The following PPP4C variants were observed in gnomAD, a reference collection of about 807,000 sequenced individuals.
The protein encoded by PPP4C is protein phosphatase 4 catalytic subunit, also known as serine/threonine-protein phosphatase 4 catalytic subunit.
A neutral mutation model predicts 40.5 loss-of-function variants in PPP4C; 10 were observed. The observed-to-expected ratio is 0.25, with a 90% confidence interval of 0.15 to 0.42. PPP4C has a LOEUF of 0.42. Ranked by LOEUF, PPP4C falls within the 10% of genes least tolerant of loss-of-function variation. The pLI, the probability that PPP4C is intolerant of heterozygous loss-of-function variation, is 1.00. For synonymous variants in PPP4C, 187 were observed against 163.6 expected (o/e 1.14, Z -1.09); for missense variants, 191 against 416.4 (o/e 0.46, Z 4.71).
Position 30,083,856 on chromosome 16 carries a change from C to T in PPP4C, c.604+75C>T, listed in dbSNP as rs2072558404. 6.3e-7 allele frequency: 1 copy of T among 1,578,920 alleles called. No homozygotes were observed. Among genetic ancestry groups the T allele is most frequent in the Non-Finnish European group, 8.6e-7 (1 of 1,160,684 alleles). On this transcript the variant is annotated intron_variant, in intron 7 of 8. Coordinates refer to ENST00000279387, the MANE Select transcript of PPP4C (RefSeq NM_002720.3). This position sits in a 1 kb window ranked among gnomAD's most constrained non-coding sequence, Gnocchi z 6.3. ...AAAGAGAGGGAGCAGGGCTGGTCTTCACTGTCACTCGTCCTCCACCTGCCA... is the reference window on the plus strand; with the variant it reads ...AAAGAGAGGGAGCAGGGCTGGTCTTTACTGTCACTCGTCCTCCACCTGCCA...
At chr16:30,082,357 AT>A in intron 3 of PPP4C, 126 bp from the exon 4 acceptor site, 1 of 962,336 alleles carries the variant, frequency 1.0e-6, no homozygotes, top group Non-Finnish European at 1.7e-6. Flanking sequence ...GGAGAGGAGA[AT>A]TTTGGTCCTA....
chr16:30,080,592 C>T (rs1043109273), intron 2 of PPP4C, among the ~76,000 whole-genome samples: 4 of 151,156 alleles, frequency 2.6e-5, no homozygotes, highest in African/African-American at 9.7e-5. Context: ...CTGCAGCCCC[C>T]ACCTCCCAGG....
chr16:30,084,420 G>A (rs1296828913), intron 7 of PPP4C, among the ~76,000 whole-genome samples: 1 of 152,334 alleles, frequency 6.6e-6, no homozygotes, highest in Middle Eastern at 3.4e-3. Flanking sequence ...GACGGGGATT[G>A]TATGATCACT....
chr16:30,077,275 A>T (rs552629536), intron 2 of PPP4C, among the ~76,000 whole-genome samples: 2 of 152,280 alleles, frequency 1.3e-5, no homozygotes, highest in East Asian at 3.9e-4. Context: ...ACTTAATAAG[A>T]TGATTGTGAA....
rs1417778890 is a variant in PPP4C at position 30,085,083 on chromosome 16, C to T, written c.*21C>T. 2.5e-6 allele frequency: 4 copies of T among 1,611,558 alleles called. No individual in the cohort carries two copies. In the East Asian group the frequency reaches 6.7e-5, roughly 27 times the overall value. On this transcript the variant is annotated 3_prime_UTR_variant, in exon 9 of 9. Coordinates refer to ENST00000279387, the MANE Select transcript of PPP4C (RefSeq NM_002720.3). Reference sequence around the variant, plus strand: ...TGTGACCCCGCCCGGCCCCTGCCCCCTCCAACCCTTCTGGCCCTCGCACCA... The same window carrying T: ...TGTGACCCCGCCCGGCCCCTGCCCCTTCCAACCCTTCTGGCCCTCGCACCA...
intron 2 of PPP4C, among the ~76,000 whole-genome samples, chr16:30,077,816 C>T (rs935317939): frequency 6.6e-6 from 1 of 152,224 alleles, no homozygotes; most frequent in Non-Finnish European, 1.5e-5. Flanking sequence ...GGTGACTTAA[C>T]TGAGGTCACC....
Position 30,083,180 on chromosome 16 carries a change from G to C in PPP4C, c.304-214G>C, listed in dbSNP as rs2072543532. 1 of 627,804 alleles carries C rather than the reference G, an allele frequency of 1.6e-6. No individual in the cohort carries two copies. The highest frequency in any genetic ancestry group is 2.8e-6 in the Non-Finnish European group (1 of 359,546). The allele number at this position is 627,804 out of a possible 1,614,324, so 38.9% of individuals were successfully genotyped here. A position where few individuals can be genotyped will look rare whatever the true frequency, so the allele number is the denominator to read the frequency against. ...CTGGTAGGTGAAAGAAGAGCCATTA[G>C]GTTCATAGTTGAGGGAATGGGTCAG... is the stretch of plus-strand genomic sequence containing the variant. On this transcript the variant is annotated intron_variant, in intron 5 of 8. Transcript: ENST00000279387. The surrounding 1 kb of genome is among the most constrained non-coding windows in gnomAD (Gnocchi z 6.3).
chr16:30,084,570 C>A, intron 7 of PPP4C, 96 bp from the exon 8 acceptor site: 1 of 1,177,714 alleles, frequency 8.5e-7, no homozygotes, highest in Non-Finnish European at 1.2e-6. Flanking sequence ...CTCTGGTGGA[C>A]TTGGGGAGGG....
At position 30,083,157 on chromosome 16, in the gene PPP4C, G is replaced by T. The variant is rs111409641; in HGVS notation, c.304-237G>T. 7.4e-5 allele frequency: 45 copies of T among 604,430 alleles called. 1 individual carries two copies. The highest frequency in any genetic ancestry group is 8.9e-4 in the Middle Eastern group (2 of 2,258). The allele number at this position is 604,430 out of a possible 1,614,324, so 37.4% of individuals were successfully genotyped here. On this transcript the variant is annotated intron_variant, in intron 5 of 8. Transcript: ENST00000279387. The surrounding 1 kb of genome is among the most constrained non-coding windows in gnomAD (Gnocchi z 6.3). ...CTTGCTAGGGACCCGGTCTGTGTCT[G>T]GTAGGTGAAAGAAGAGCCATTAGGT... is the stretch of plus-strand genomic sequence containing the variant.
intron 2 of PPP4C, 21 bp from the exon 3 acceptor site, chr16:30,081,238 C>T (rs1278024390): frequency 2.5e-6 from 4 of 1,613,412 alleles, no homozygotes; most frequent in East Asian, 4.5e-5. Context: ...TGTGGTGACC[C>T]TGGTCTTCTC....
rs144256774 is a variant in PPP4C, at chr16:30,085,321, A to G, written c.*259A>G. 1,061 of 366,722 alleles carry G rather than the reference A, an allele frequency of 2.9e-3. 4 individuals carry two copies. Among genetic ancestry groups the G allele is most frequent in the Middle Eastern group, 4.4e-3 (6 of 1,366 alleles). 22.7% of individuals were successfully genotyped at this position (366,722 alleles called of 1,614,324 possible). A position where few individuals can be genotyped will look rare whatever the true frequency, so the allele number is the denominator to read the frequency against. ...TTCCTTCTTTTTTCTGTTTGTTTTTAGATAAAAATTTTGAGAAAAAAAATG... is the reference window on the plus strand; with the variant it reads ...TTCCTTCTTTTTTCTGTTTGTTTTTGGATAAAAATTTTGAGAAAAAAAATG... On this transcript the variant is annotated 3_prime_UTR_variant, in exon 9 of 9. Coordinates refer to ENST00000279387, the MANE Select transcript of PPP4C (RefSeq NM_002720.3).
intron 7 of PPP4C, 25 bp from the exon 8 acceptor site, chr16:30,084,641 C>T (rs2072584120): frequency 1.9e-6 from 3 of 1,609,664 alleles, no homozygotes; most frequent in Admixed American, 1.7e-5. Flanking sequence ...GGACATCCCT[C>T]TCCATCCCTC....
At position 30,083,401 on chromosome 16, in the gene PPP4C, A is replaced by G; in HGVS notation, c.311A>G (p.Tyr104Cys). 1.9e-6 allele frequency: 3 copies of G among 1,612,434 alleles called. No individual in the cohort carries two copies. Among genetic ancestry groups the G allele is most frequent in the Non-Finnish European group, 2.5e-6 (3 of 1,179,254 alleles). The change falls in exon 6 of 9, where the codon TAT becomes TGT. Residue 104 changes from tyrosine to cysteine, a missense_variant. Tyr to Cys is a radical substitution (Grantham distance 194). Coordinates refer to ENST00000279387, the MANE Select transcript of PPP4C (RefSeq NM_002720.3). This position sits in a 1 kb window ranked among gnomAD's most constrained non-coding sequence, Gnocchi z 6.3. ...FLLLLALKVR[Y>C]PDRITLIRGN... is the part of the protein sequence containing the mutation. ...CTTGGTGGCCACCCCCAGGTTCGCT[A>G]TCCTGATCGCATCACACTGATCCGG...
chr16:30,085,024 A>C lies in PPP4C; in HGVS notation c.886A>C (p.Ile296Leu). The C allele has an allele frequency of 6.2e-7, 1 of 1,614,116 alleles. No homozygotes were observed. The highest frequency in any genetic ancestry group is 8.5e-7 in the Non-Finnish European group (1 of 1,180,020). Residue 296 changes from isoleucine (I) to leucine (L), a missense_variant, in exon 9 of 9, where the codon ATC becomes CTC. Ile to Leu is a conservative substitution (Grantham distance 5). Coordinates refer to ENST00000279387, the MANE Select transcript of PPP4C (RefSeq NM_002720.3). Reference sequence around the variant, plus strand: ...GGCTGCTCCCCAAGAGACACGGGGCATCCCCTCCAAGAAGCCCGTGGCCGA... The same window carrying C: ...GGCTGCTCCCCAAGAGACACGGGGCCTCCCCTCCAAGAAGCCCGTGGCCGA... ...FEAAPQETRG[I>L]PSKKPVADYF... is the part of the protein sequence containing the mutation.
intron 2 of PPP4C, among the ~76,000 whole-genome samples, chr16:30,078,868 G>A (rs1354091304): frequency 2.0e-5 from 3 of 152,310 alleles, no homozygotes; most frequent in Admixed American, 6.5e-5. Flanking sequence ...CGGGTATCCG[G>A]GCACAGGGCC....
rs116476388 is a variant in PPP4C at position 30,085,337 on chromosome 16, A to G, written c.*275A>G. The G allele has an allele frequency of 9.3e-3, 2,999 of 321,800 alleles. 62 individuals carry two copies. Among genetic ancestry groups the G allele is most frequent in the African/African-American group, 0.052 (2,415 of 46,708 alleles). The allele number at this position is 321,800 out of a possible 1,614,324, so 19.9% of individuals were successfully genotyped here. A position where few individuals can be genotyped will look rare whatever the true frequency, so the allele number is the denominator to read the frequency against. On this transcript the variant is annotated 3_prime_UTR_variant, in exon 9 of 9. Coordinates refer to ENST00000279387, the MANE Select transcript of PPP4C (RefSeq NM_002720.3). ...TTTGTTTTTAGATAAAAATTTTGAG[A>G]AAAAAAATGAAAAAATTCTAATAAA...
At position 30,076,410 on chromosome 16, in the gene PPP4C, C is replaced by T; in HGVS notation, c.33C>T (p.Ile11=). The T allele has an allele frequency of 6.2e-7, 1 of 1,613,272 alleles. No individual in the cohort carries two copies. MAEISDLDRQ[I]EQLRRCELIK... ...AGATCAGCGACCTGGACCGGCAGAT[C>T]GAGCAGCTGCGTCGCTGCGAGCTCA... The change falls in exon 2 of 9, where the codon ATC becomes ATT. Residue 11 remains isoleucine (I), a synonymous_variant. Coordinates refer to ENST00000279387, the MANE Select transcript of PPP4C (RefSeq NM_002720.3).
Position 30,076,040 on chromosome 16 carries a change from G to A in PPP4C, c.-118G>A. ...GGCGGCGGCGGCGGCGGTCGAAAGC[G>A]GAGTGAAAGAGGGAGGCAGGGAGCC... On this transcript the variant is annotated 5_prime_UTR_variant, in exon 1 of 9. Coordinates refer to ENST00000279387, the MANE Select transcript of PPP4C (RefSeq NM_002720.3). 4.8e-6 allele frequency: 2 copies of A among 418,330 alleles called. No homozygotes were observed. The highest frequency in any genetic ancestry group is 6.6e-4 in the Middle Eastern group (1 of 1,508). The allele number at this position is 418,330 out of a possible 1,614,324, so 25.9% of individuals were successfully genotyped here.
At chr16:30,081,375 T>C (rs1247306712) in intron 3 of PPP4C, 65 bp downstream of exon 3, 14 of 1,366,510 alleles carry the variant, frequency 1.0e-5, no homozygotes, top group Non-Finnish European at 1.1e-5. Context: ...TTCCTCTTCA[T>C]CTTGGGGGCT....
Sources: allele counts gnomAD v4.1 joint callset (sites outside exome capture counted in the v4.1 genomes callset), GRCh38; gene constraint gnomAD v4.1.1; non-coding constraint Gnocchi (gnomAD v3.1); transcripts MANE v1.5; gene names NCBI Gene and HGNC (gene_info 2026-07-23, HGNC 2026-07-21).